Variants in CLASP1 observed in about 807,000 individuals in gnomAD.
CLASP1 encodes CLIP-associating protein 1.
Under a neutral mutation model 192.3 loss-of-function variants are expected in CLASP1, and 38 were observed. The ratio of observed to expected loss-of-function variants is 0.20; its 90% CI spans 0.15 to 0.26. CLASP1 has a LOEUF of 0.26. CLASP1 is among the 10% of genes least tolerant of loss of function. CLASP1 has a pLI of 1.00. For synonymous variants in CLASP1, 691 were observed against 712.8 expected, an observed-to-expected ratio of 0.97 and a Z score of 0.49; for missense variants, 1,433 against 1,932.5, an observed-to-expected ratio of 0.74 and a Z score of 4.85.
intron 2 of CLASP1, among the ~76,000 whole-genome samples, chr2:121,583,076 G>A (rs371329104): frequency 6.6e-6 from 1 of 152,038 alleles, no homozygotes; most frequent in South Asian, 2.1e-4. Context: ...ATGAACCACC[G>A]TGCCCAGCCA....
chr2:121,634,401 T>C (rs1001300248), intron 1 of CLASP1, among the ~76,000 whole-genome samples: 10 of 152,172 alleles, frequency 6.6e-5, no homozygotes, highest in African/African-American at 2.4e-4. Context: ...TTTAGGCCCA[T>C]TTCTTATTAA....
chr2:121,523,470 A>C (rs1464568246), intron 6 of CLASP1, among the ~76,000 whole-genome samples: 1 of 152,204 alleles, frequency 6.6e-6, no homozygotes, highest in Non-Finnish European at 1.5e-5. Context: ...TTTCTACCAA[A>C]GCTTTAGGGA....
intron 29 of CLASP1, 56 bp downstream of exon 30, chr2:121,398,266 A>C: frequency 2.3e-6 from 3 of 1,322,930 alleles, no homozygotes; most frequent in Non-Finnish European, 2.1e-6. Flanking sequence ...AAACAAAAGT[A>C]AATTTAAACA....
intron 8 of CLASP1, among the ~76,000 whole-genome samples, chr2:121,492,771 T>C (rs1247673904): frequency 6.6e-6 from 1 of 151,918 alleles, no homozygotes; most frequent in African/African-American, 2.4e-5. Context: ...AACAGTTTAG[T>C]GGTTCCTCAG....
intron 36 of CLASP1, chr2:121,364,240 T>C (rs76058985): frequency 0.012 from 1,874 of 152,496 alleles, 32 homozygotes; most frequent in Non-Finnish European, 0.018. Context: ...GCAAGTCCCC[T>C]CTAGCTGGCC....
At chr2:121,495,005 G>C (rs1408499314) in intron 8 of CLASP1, among the ~76,000 whole-genome samples, 1 of 151,294 alleles carries the variant, frequency 6.6e-6, no homozygotes, top group Non-Finnish European at 1.5e-5. Flanking sequence ...CTGGGTGACA[G>C]AGCAAGACTC....
intron 1 of CLASP1, among the ~76,000 whole-genome samples, chr2:121,617,684 C>T (rs913436684): frequency 1.3e-5 from 2 of 152,198 alleles, no homozygotes; most frequent in African/African-American, 2.4e-5. Flanking sequence ...AAAACAAATG[C>T]TTATGCCTTC....
intron 2 of CLASP1, among the ~76,000 whole-genome samples, chr2:121,536,378 G>GAAA (rs59632661): frequency 0.025 from 1,195 of 48,230 alleles, 46 homozygotes; most frequent in Non-Finnish European, 0.029. Context: ...AAGACTGTCT[G>GAAA]AAAAAAAAAA....
intron 22 of CLASP1, among the ~76,000 whole-genome samples, chr2:121,424,146 G>GTCTAAGATAC (rs200160816): frequency 0.034 from 5,166 of 152,230 alleles, 121 homozygotes; most frequent in South Asian, 0.051. Flanking sequence ...GTGGCCAAGG[G>GTCTAAGATAC]TCTAAGATAC....
chr2:121,646,196 T>C (rs1340266983), intron 1 of CLASP1, among the ~76,000 whole-genome samples: 2 of 152,216 alleles, frequency 1.3e-5, no homozygotes, highest in Non-Finnish European at 2.9e-5. Flanking sequence ...CACTGTAGCC[T>C]CAGCCTCCCA....
At chr2:121,604,446 C>T (rs1027447340) in intron 2 of CLASP1, among the ~76,000 whole-genome samples, 6 of 152,096 alleles carry the variant, frequency 3.9e-5, no homozygotes, top group African/African-American at 1.4e-4. Flanking sequence ...AGGCGGGTGG[C>T]TTGCTTGAGC....
chr2:121,580,967 T>C (rs1328934112), intron 2 of CLASP1, among the ~76,000 whole-genome samples: 1 of 152,180 alleles, frequency 6.6e-6, no homozygotes, highest in Non-Finnish European at 1.5e-5. Flanking sequence ...ACTTAGAAAT[T>C]AAAGGCCATG....
At position 121,505,772 on chromosome 2, in the gene CLASP1, T is replaced by C. The variant is rs115051564; in HGVS notation, c.645-2538A>G. ...ACCATCTTCCTCTATTTTTTCTGAA[T>C]TTAAATTTCCATATTAAACTCTTCA... On this transcript the variant is annotated intron_variant, in intron 7 of 39. Transcript: ENST00000263710. 7.4e-4 allele frequency among the ~76,000 whole-genome samples: 112 copies of C among 152,312 alleles called. 2 individuals are homozygous for C. Among genetic ancestry groups the C allele is most frequent in the African/African-American group, 2.6e-3 (108 of 41,582 alleles).
chr2:121,451,031 A>G (rs1216890396), intron 15 of CLASP1, 41 bp from the exon 16 acceptor site: 3 of 1,301,442 alleles, frequency 2.3e-6, no homozygotes, highest in South Asian at 1.2e-5. Context: ...TCATAAATGT[A>G]TGGTTTGATG....
chr2:121,550,506 C>T (rs1368977305), intron 2 of CLASP1, among the ~76,000 whole-genome samples: 2 of 151,570 alleles, frequency 1.3e-5, no homozygotes. Flanking sequence ...GCTAGACTAA[C>T]AAAGAAGAAA....
At chr2:121,354,707 G>A (rs927442997) in intron 37 of CLASP1, among the ~76,000 whole-genome samples, 1 of 152,176 alleles carries the variant, frequency 6.6e-6, no homozygotes, top group African/African-American at 2.4e-5. Flanking sequence ...GAAAACACCG[G>A]ATTCTGTAGC....
chr2:121,412,119 G>A (rs2077805193), intron 23 of CLASP1, among the ~76,000 whole-genome samples: 1 of 151,982 alleles, frequency 6.6e-6, no homozygotes, highest in South Asian at 2.1e-4. Context: ...CTACAAAACT[G>A]GTGAACTTAA....
At chr2:121,478,706 CCACACACACAACCA>C (rs1559365976) in intron 8 of CLASP1, among the ~76,000 whole-genome samples, 89 of 68,658 alleles carry the variant, frequency 1.3e-3, no homozygotes, top group Non-Finnish European at 1.7e-3. Flanking sequence ...CAACCACACC[CCACACACACAACCA>C]CACACACACC....
chr2:121,646,972 G>A (rs1219652875), intron 1 of CLASP1, among the ~76,000 whole-genome samples: 2 of 151,042 alleles, frequency 1.3e-5, no homozygotes, highest in East Asian at 3.9e-4. Flanking sequence ...CCTGGGAGGC[G>A]GAGCTTGCAG....
Sources: gnomAD v4.1 joint callset for allele counts (sites outside exome capture counted in the v4.1 genomes callset) on GRCh38, gnomAD v4.1.1 for gene constraint, MANE v1.5 for transcripts, NCBI Gene and HGNC (gene_info 2026-07-23, HGNC 2026-07-21) for gene names.